SGCG: variants seen among roughly 807,000 people sequenced by gnomAD.
The protein encoded by SGCG is gamma-sarcoglycan.
In SGCG, 26 loss-of-function variants were observed where a neutral mutation model predicts 29.3. That is an observed-to-expected ratio of 0.89 (90% CI 0.65 to 1.23). The LOEUF (loss-of-function observed/expected upper bound fraction) is 1.23. Ranked by LOEUF, SGCG falls within the 50% of genes most tolerant of loss-of-function variation. SGCG has a pLI of 0.00. For synonymous variants in SGCG, 145 were observed against 129.7 expected (o/e 1.12, Z -0.80); for missense variants, 353 against 356.0 (o/e 0.99, Z 0.07).
rs144570998 is a variant in SGCG at position 23,296,219 on chromosome 13, A to C, written c.578+732A>C. The stretch of plus-strand genomic sequence containing the variant: ...TCTGCAAACAAGGCAAAACCTTTGC[A>C]CTTTTTAGTGGAAGACAAAGGTGCC... On this transcript the variant is annotated intron_variant, in intron 6 of 7. Transcript: ENST00000218867. Among the ~76,000 whole-genome samples, 1,353 of 152,350 alleles carry C rather than the reference A, an allele frequency of 8.9e-3. 19 individuals carry two copies. The highest frequency in any genetic ancestry group is 0.031 in the African/African-American group (1,293 of 41,580).
intron 4 of SGCG, among the ~76,000 whole-genome samples, chr13:23,279,058 G>A (rs1881200805): frequency 6.6e-6 from 1 of 152,072 alleles, no homozygotes; most frequent in Non-Finnish European, 1.5e-5. Flanking sequence ...ACCATGAATA[G>A]GAAAACTATA....
At chr13:23,309,474 A>C (rs1333789541) in intron 6 of SGCG, among the ~76,000 whole-genome samples, 2 of 152,186 alleles carry the variant, frequency 1.3e-5, no homozygotes, top group Admixed American at 1.3e-4. Flanking sequence ...TGCCGAAAAA[A>C]GAGTCATCCT....
At chr13:23,179,195 G>A (rs1465691324), upstream of SGCG, among the ~76,000 whole-genome samples, 2 of 152,190 alleles carry the variant, frequency 1.3e-5, no homozygotes, top group African/African-American at 4.8e-5. Flanking sequence ...CAAAATGTGT[G>A]TGTGTGAGTT....
At chr13:23,261,604 A>C (rs1178015733) in intron 4 of SGCG, among the ~76,000 whole-genome samples, 1 of 152,104 alleles carries the variant, frequency 6.6e-6, no homozygotes, top group Non-Finnish European at 1.5e-5. Context: ...ATTTAGGAAA[A>C]CTTTCCTGGC....
intron 5 of SGCG, among the ~76,000 whole-genome samples, chr13:23,285,786 G>C (rs1881474759): frequency 6.6e-6 from 1 of 152,044 alleles, no homozygotes; most frequent in African/African-American, 2.4e-5. Flanking sequence ...AAGACCATGG[G>C]AAAAGCATAG....
rs7329620 is a variant in SGCG, at chr13:23,325,046, A to G, written c.*505A>G. On this transcript the variant is annotated 3_prime_UTR_variant, in exon 8 of 8. Coordinates refer to ENST00000218867, the MANE Select transcript of SGCG (RefSeq NM_000231.3). The stretch of plus-strand genomic sequence containing the variant: ...GTCAGGTTTCACAAGAAAATTTTCA[A>G]GTTTTGAAGGGAATTTGAGGTTGAT... The G allele has an allele frequency of 0.013, 2,137 of 167,924 alleles. 31 individuals are homozygous for G. The highest frequency in any genetic ancestry group is 0.037 in the Middle Eastern group (12 of 320). 10.4% of individuals were successfully genotyped at this position (167,924 alleles called of 1,614,324 possible).
At chr13:23,289,217 G>GC (rs1399705145) in intron 5 of SGCG, among the ~76,000 whole-genome samples, 2 of 152,174 alleles carry the variant, frequency 1.3e-5, no homozygotes, top group Non-Finnish European at 2.9e-5. Context: ...AGCGATCAAC[G>GC]CCGTGCTGCA....
chr13:23,276,840 T>C lies in SGCG; in HGVS notation c.386-2519T>C, dbSNP rs138387138. 3.9e-5 allele frequency among the ~76,000 whole-genome samples: 6 copies of C among 152,352 alleles called. No individual in the cohort carries two copies. In the East Asian group the frequency reaches 9.6e-4, roughly 24 times the overall value. On this transcript the variant is annotated intron_variant, in intron 4 of 7. Transcript: ENST00000218867. ...TGGATTCCTAGTCAAGACTCTCTCATGCTTGCATCCCAATGCTTAGCAAAT... is the reference window on the plus strand; with the variant it reads ...TGGATTCCTAGTCAAGACTCTCTCACGCTTGCATCCCAATGCTTAGCAAAT...
intron 4 of SGCG, among the ~76,000 whole-genome samples, chr13:23,257,415 C>G (rs749896173): frequency 1.3e-4 from 20 of 152,066 alleles, no homozygotes; most frequent in Non-Finnish European, 1.6e-4. Context: ...ACCCCATTCC[C>G]CCACCCCATG....
At position 23,234,601 on chromosome 13, in the gene SGCG, T is replaced by G. The variant is rs759238812; in HGVS notation, c.196-10T>G. 6.3e-7 allele frequency: 1 copy of G among 1,585,680 alleles called. No homozygotes were observed. The highest frequency in any genetic ancestry group is 1.4e-5 in the African/African-American group (1 of 74,036). On this transcript the variant is annotated splice_polypyrimidine_tract_variant and intron_variant, in intron 2 of 7. Coordinates refer to ENST00000218867, the MANE Select transcript of SGCG (RefSeq NM_000231.3). ...AAATATACGCATTGTCTCTTTTTTT[T>G]TTTTAACAGGCAGGAATGGGCCACT... is the stretch of plus-strand genomic sequence containing the variant.
upstream of SGCG, among the ~76,000 whole-genome samples, chr13:23,179,560 CATT>C (rs1239145013): frequency 6.6e-6 from 1 of 152,144 alleles, no homozygotes; most frequent in African/African-American, 2.4e-5. Flanking sequence ...CATTTCATAT[CATT>C]ATTGTTTAAT....
intron 1 of SGCG, among the ~76,000 whole-genome samples, chr13:23,185,599 G>GA (rs1876939724): frequency 1.3e-5 from 2 of 151,834 alleles, no homozygotes; most frequent in Admixed American, 6.6e-5. Flanking sequence ...AACCCATCTT[G>GA]AAAAAAAGAA....
At chr13:23,173,301 G>C in the SGCG span, among the ~76,000 whole-genome samples, 1 of 152,196 alleles carries the variant, frequency 6.6e-6, no homozygotes, top group African/African-American at 2.4e-5. Context: ...CCTAAAGAAG[G>C]AGGAGGAGTC....
At chr13:23,167,627 T>C in the SGCG span, among the ~76,000 whole-genome samples, 1 of 152,222 alleles carries the variant, frequency 6.6e-6, no homozygotes, top group Non-Finnish European at 1.5e-5. Context: ...TGTTGTAGTT[T>C]TTATTTGCAT....
rs73435010 is a variant in SGCG, at chr13:23,227,797, C to T, written c.196-6814C>T. 6.4e-3 allele frequency among the ~76,000 whole-genome samples: 975 copies of T among 152,144 alleles called. 9 individuals carry two copies. Among genetic ancestry groups the T allele is most frequent in the African/African-American group, 0.021 (877 of 41,492 alleles). On this transcript the variant is annotated intron_variant, in intron 2 of 7. Coordinates refer to ENST00000218867, the MANE Select transcript of SGCG (RefSeq NM_000231.3). ...CAAGAAAGGAGCCTGCAGAGGGGCA[C>T]GGGACATTAGTATTGTTATTTATTA...
chr13:23,310,339 G>A (rs558149785), intron 6 of SGCG, among the ~76,000 whole-genome samples: 1 of 151,972 alleles, frequency 6.6e-6, no homozygotes, highest in Admixed American at 6.5e-5. Context: ...GCCCGCCTCG[G>A]CCTCCCAAAG....
the SGCG span, among the ~76,000 whole-genome samples, chr13:23,175,460 AT>A: frequency 6.6e-6 from 1 of 152,198 alleles, no homozygotes; most frequent in South Asian, 2.1e-4. Flanking sequence ...CTCTGCCCAA[AT>A]AATCATTGCC....
intron 6 of SGCG, among the ~76,000 whole-genome samples, chr13:23,308,973 C>T (rs1882455774): frequency 6.6e-6 from 1 of 151,996 alleles, no homozygotes; most frequent in African/African-American, 2.4e-5. Flanking sequence ...CGTGAAGTCT[C>T]TTGTCCATAA....
chr13:23,217,238 T>C (rs1593178412), intron 2 of SGCG, among the ~76,000 whole-genome samples: 1 of 152,260 alleles, frequency 6.6e-6, no homozygotes, highest in East Asian at 1.9e-4. Flanking sequence ...GTTATCATAC[T>C]ATAAGCTCTT....
Sources: allele counts gnomAD v4.1 joint callset (sites outside exome capture counted in the v4.1 genomes callset), GRCh38; gene constraint gnomAD v4.1.1; transcripts MANE v1.5; gene names NCBI Gene and HGNC (gene_info 2026-07-23, HGNC 2026-07-21).